The following KCNJ3 variants were observed in gnomAD, a reference collection of about 807,000 sequenced individuals.
KCNJ3 encodes potassium inwardly rectifying channel subfamily J member 3, also known as G protein-activated inward rectifier potassium channel 1.
KCNJ3 carries 4 observed loss-of-function variants against 39.2 expected under a neutral mutation model. That is an observed-to-expected ratio of 0.10 (90% CI 0.05 to 0.23). The LOEUF is 0.23. Ranked by LOEUF, KCNJ3 falls within the 10% of genes least tolerant of loss-of-function variation. The probability of loss-of-function intolerance (pLI) is 1.00; values close to 1 mark genes in which losing one functional copy is unlikely to be tolerated. For synonymous variants in KCNJ3, 230 were observed against 237.4 expected (o/e 0.97, Z 0.29); for missense variants, 276 against 634.9 (o/e 0.43, Z 6.08).
chr2:154,732,226 C>G (rs1024585369), intron 2 of KCNJ3, among the ~76,000 whole-genome samples: 2 of 152,086 alleles, frequency 1.3e-5, no homozygotes, highest in African/African-American at 4.8e-5. Context: ...TTGCACCTTG[C>G]ATACGTGTGC....
chr2:154,754,125 G>T (rs1685897351), intron 2 of KCNJ3, among the ~76,000 whole-genome samples: 1 of 152,064 alleles, frequency 6.6e-6, no homozygotes, highest in African/African-American at 2.4e-5. Flanking sequence ...TTCCCGTTTT[G>T]TATCATGAAT....
chr2:154,803,391 G>A (rs1686854755), intron 2 of KCNJ3, among the ~76,000 whole-genome samples: 1 of 151,742 alleles, frequency 6.6e-6, no homozygotes, highest in Non-Finnish European at 1.5e-5. Flanking sequence ...TCAAACCTTG[G>A]ACTTTTATAA....
chr2:154,734,079 G>A (rs1337539396), intron 2 of KCNJ3, among the ~76,000 whole-genome samples: 1 of 152,172 alleles, frequency 6.6e-6, no homozygotes, highest in Admixed American at 6.5e-5. Context: ...AGAGCCTTAT[G>A]CAAGGGACCC....
chr2:154,732,228 T>A (rs1685459495), intron 2 of KCNJ3, among the ~76,000 whole-genome samples: 1 of 152,148 alleles, frequency 6.6e-6, no homozygotes. Flanking sequence ...GCACCTTGCA[T>A]ACGTGTGCAT....
intron 2 of KCNJ3, among the ~76,000 whole-genome samples, chr2:154,760,092 A>G (rs1031715983): frequency 6.6e-6 from 1 of 152,134 alleles, no homozygotes; most frequent in African/African-American, 2.4e-5. Context: ...CTCCAGTTAT[A>G]CTCTTACCAG....
intron 2 of KCNJ3, among the ~76,000 whole-genome samples, chr2:154,719,483 T>C: frequency 6.6e-6 from 1 of 152,142 alleles, no homozygotes; most frequent in East Asian, 1.9e-4. Context: ...GACTATTCAT[T>C]ACCATAACCA....
chr2:154,788,481 G>A (rs1274210768), intron 2 of KCNJ3, among the ~76,000 whole-genome samples: 1 of 151,940 alleles, frequency 6.6e-6, no homozygotes, highest in Non-Finnish European at 1.5e-5. Context: ...TGCAGAAAAA[G>A]CAATTTACTG....
Position 154,857,901 on chromosome 2 carries a change from A to T in KCNJ3, c.*2588A>T, listed in dbSNP as rs1574489334. The stretch of plus-strand genomic sequence containing the variant: ...ATCTCAACATCAAAAAAAAAAAAAA[A>T]AAAAAAAAAAAAAAAAAAAAAAAAA... On this transcript the variant is annotated 3_prime_UTR_variant, in exon 3 of 3. Coordinates refer to ENST00000295101, the MANE Select transcript of KCNJ3 (RefSeq NM_002239.4). 2 of 72,478 alleles carry T rather than the reference A, an allele frequency of 2.8e-5. 1 individual carries two copies. The highest frequency in any genetic ancestry group is 4.5e-4 in the Admixed American group (2 of 4,494). The allele number at this position is 72,478 out of a possible 1,614,324, so 4.5% of individuals were successfully genotyped here. A position where few individuals can be genotyped will look rare whatever the true frequency, so the allele number is the denominator to read the frequency against.
chr2:154,743,189 T>A (rs1574443918), intron 2 of KCNJ3, among the ~76,000 whole-genome samples: 1 of 151,886 alleles, frequency 6.6e-6, no homozygotes, highest in African/African-American at 2.4e-5. Context: ...ACATAAGAGT[T>A]TATTTCTGGG....
chr2:154,773,715 T>C (rs62170820), intron 2 of KCNJ3, among the ~76,000 whole-genome samples: 3,971 of 152,274 alleles, frequency 0.026, 73 homozygotes, highest in Non-Finnish European at 0.042. Context: ...TTTTCATTTA[T>C]GCATTTTCAG....
intron 2 of KCNJ3, among the ~76,000 whole-genome samples, chr2:154,735,403 G>A (rs139228820): frequency 1.0e-3 from 156 of 152,096 alleles, no homozygotes; most frequent in African/African-American, 3.6e-3. Context: ...CGTGAGCCAC[G>A]GAGCCCGGCC....
chr2:154,844,909 G>A (rs1038211405), intron 2 of KCNJ3, among the ~76,000 whole-genome samples: 9 of 152,124 alleles, frequency 5.9e-5, no homozygotes, highest in Non-Finnish European at 1.0e-4. Context: ...TCCTGGGTGA[G>A]GCGACGCCTT....
chr2:154,708,617 A>T (rs1428062365), intron 1 of KCNJ3, among the ~76,000 whole-genome samples: 1 of 152,162 alleles, frequency 6.6e-6, no homozygotes, highest in Non-Finnish European at 1.5e-5. Context: ...CCATAATTAC[A>T]TAAATTAAAT....
chr2:154,832,116 C>T (rs1687373885), intron 2 of KCNJ3, among the ~76,000 whole-genome samples: 1 of 152,088 alleles, frequency 6.6e-6, no homozygotes, highest in Non-Finnish European at 1.5e-5. Flanking sequence ...GAATGCATTG[C>T]ACCAAGACAT....
At chr2:154,743,965 A>G (rs532605450) in intron 2 of KCNJ3, among the ~76,000 whole-genome samples, 1 of 151,666 alleles carries the variant, frequency 6.6e-6, no homozygotes, top group Non-Finnish European at 1.5e-5. Flanking sequence ...ATAATATTAC[A>G]TATGGTTTCT....
In KCNJ3 at chr2:154,827,868, T is replaced by C. The variant is rs1574477244; in HGVS notation, c.920-26859T>C. Among the ~76,000 whole-genome samples the C allele has an allele frequency of 2.0e-5, 3 of 152,174 alleles. 1 individual carries two copies. In the South Asian group the frequency reaches 6.2e-4, roughly 32 times the overall value. Reference sequence around the variant, plus strand: ...AGTACCTTATTAGCATTATAAGCAATTTTGTTCTTCAATGTAACTTAACAA... The same window carrying C: ...AGTACCTTATTAGCATTATAAGCAACTTTGTTCTTCAATGTAACTTAACAA... On this transcript the variant is annotated intron_variant, in intron 2 of 2. Coordinates refer to ENST00000295101, the MANE Select transcript of KCNJ3 (RefSeq NM_002239.4).
chr2:154,735,947 T>G (rs1488968297), intron 2 of KCNJ3, among the ~76,000 whole-genome samples: 1 of 152,162 alleles, frequency 6.6e-6, no homozygotes, highest in East Asian at 1.9e-4. Flanking sequence ...ATCTCTATTC[T>G]TCTTATTTGA....
In KCNJ3 at chr2:154,830,921, T is replaced by C. The variant is rs138334841; in HGVS notation, c.920-23806T>C. On this transcript the variant is annotated intron_variant, in intron 2 of 2. Transcript: ENST00000295101. ...AGTACAAGTAAAATTTCAGAGTATGTCCATCTTCATCATTGCAACAATAAG... is the reference window on the plus strand; with the variant it reads ...AGTACAAGTAAAATTTCAGAGTATGCCCATCTTCATCATTGCAACAATAAG... Among the ~76,000 whole-genome samples, 9 of 152,328 alleles carry C rather than the reference T, an allele frequency of 5.9e-5. No homozygotes were observed. In the East Asian group the frequency reaches 1.5e-3, roughly 26 times the overall value.
At chr2:154,802,765 G>A (rs974895929) in intron 2 of KCNJ3, among the ~76,000 whole-genome samples, 14 of 152,128 alleles carry the variant, frequency 9.2e-5, no homozygotes, top group Middle Eastern at 3.2e-3. Flanking sequence ...TTTATAGTGA[G>A]ATACATAGCA....
Sources: gnomAD v4.1 joint callset for allele counts (sites outside exome capture counted in the v4.1 genomes callset) on GRCh38, gnomAD v4.1.1 for gene constraint, MANE v1.5 for transcripts, NCBI Gene and HGNC (gene_info 2026-07-23, HGNC 2026-07-21) for gene names.